Variants in AUTS2 observed in about 807,000 individuals in gnomAD.
AUTS2 encodes the protein autism susceptibility gene 2 protein.
In AUTS2, 17 loss-of-function variants were observed where a neutral mutation model predicts 112.4. That is an observed-to-expected ratio of 0.15 (90% CI 0.10 to 0.23). The LOEUF is 0.23. Ranked by LOEUF, AUTS2 falls within the 10% of genes least tolerant of loss-of-function variation. The probability of loss-of-function intolerance (pLI) is 1.00; values close to 1 mark genes in which losing one functional copy is unlikely to be tolerated. For missense variants in AUTS2, 1,510 were observed against 1,701.6 expected, an observed-to-expected ratio of 0.89 and a Z score of 1.98; for synonymous variants, 751 against 702.7, an observed-to-expected ratio of 1.07 and a Z score of -1.09.
intron 1 of AUTS2, among the ~76,000 whole-genome samples, chr7:69,796,148 A>G (rs1031082199): frequency 1.3e-5 from 2 of 152,200 alleles, no homozygotes; most frequent in African/African-American, 4.8e-5. Flanking sequence ...TCCTTTTCGC[A>G]TCTTCAGCAA....
chr7:69,967,845 C>T (rs986959806), intron 2 of AUTS2, among the ~76,000 whole-genome samples: 19 of 152,328 alleles, frequency 1.2e-4, no homozygotes, highest in Admixed American at 9.1e-4. Flanking sequence ...AAACCTGCCA[C>T]CTCCCTCCAG....
At chr7:69,748,094 T>C (rs931424191) in intron 1 of AUTS2, among the ~76,000 whole-genome samples, 5 of 152,156 alleles carry the variant, frequency 3.3e-5, no homozygotes, top group African/African-American at 4.8e-5. Context: ...ACTTGAGTTA[T>C]TGAATTTTGT....
chr7:69,897,086 G>A (rs1462806999), intron 1 of AUTS2, among the ~76,000 whole-genome samples: 1 of 152,148 alleles, frequency 6.6e-6, no homozygotes. Context: ...TGCTACATTG[G>A]TACTTGGCAT....
At chr7:70,075,881 G>A in intron 2 of AUTS2, among the ~76,000 whole-genome samples, 1 of 152,192 alleles carries the variant, frequency 6.6e-6, no homozygotes, top group East Asian at 1.9e-4. Flanking sequence ...TTCTGCAGCA[G>A]AGATTGCCAA....
At chr7:70,163,166 G>C (rs1808185491) in intron 4 of AUTS2, among the ~76,000 whole-genome samples, 1 of 151,898 alleles carries the variant, frequency 6.6e-6, no homozygotes, top group South Asian at 2.1e-4. Context: ...GTTTAGATAA[G>C]TTAACTGAGG....
chr7:70,748,676 G>T (rs1788616894), intron 6 of AUTS2, among the ~76,000 whole-genome samples: 1 of 152,164 alleles, frequency 6.6e-6, no homozygotes, highest in South Asian at 2.1e-4. Flanking sequence ...GTGTTCTTCT[G>T]AGGGTGCTAC....
intron 2 of AUTS2, among the ~76,000 whole-genome samples, chr7:69,994,265 T>G (rs1798855151): frequency 6.6e-6 from 1 of 152,188 alleles, no homozygotes; most frequent in South Asian, 2.1e-4. Context: ...TTTTCTAAGT[T>G]AAAGGTTCAC....
chr7:69,808,474 C>G (rs1186410334), intron 1 of AUTS2, among the ~76,000 whole-genome samples: 2 of 152,002 alleles, frequency 1.3e-5, no homozygotes, highest in Non-Finnish European at 2.9e-5. Flanking sequence ...GTTTAGCATT[C>G]TAAATATTTG....
Position 69,958,003 on chromosome 7 carries a change from A to G in AUTS2, c.522+58505A>G, listed in dbSNP as rs1298750110. 4.6e-5 allele frequency among the ~76,000 whole-genome samples: 7 copies of G among 152,170 alleles called. 1 individual carries two copies. The highest frequency in any genetic ancestry group is 4.6e-4 in the Admixed American group (7 of 15,270). On this transcript the variant is annotated intron_variant, in intron 2 of 18. Coordinates refer to ENST00000342771, the MANE Select transcript of AUTS2 (RefSeq NM_015570.4). ...CAGCCCTGGTGGTGAGGTACTGAAAATAAATAAATAAAAGGGCGAAGGACA... is the reference window on the plus strand; with the variant it reads ...CAGCCCTGGTGGTGAGGTACTGAAAGTAAATAAATAAAAGGGCGAAGGACA...
At chr7:70,331,373 A>G (rs756667112) in intron 4 of AUTS2, among the ~76,000 whole-genome samples, 7 of 151,988 alleles carry the variant, frequency 4.6e-5, no homozygotes, top group Non-Finnish European at 1.0e-4. Context: ...AGTTTTTATT[A>G]CTGTGGGTTC....
At chr7:70,088,045 T>G (rs1803701954) in intron 2 of AUTS2, among the ~76,000 whole-genome samples, 1 of 152,138 alleles carries the variant, frequency 6.6e-6, no homozygotes, top group African/African-American at 2.4e-5. Flanking sequence ...CTTTTTTTTT[T>G]TTTTCCAGGT....
rs542389882 is a variant in AUTS2, at chr7:70,726,688, A to T, written c.742+28068A>T. 7.9e-5 allele frequency among the ~76,000 whole-genome samples: 12 copies of T among 152,316 alleles called. No individual in the cohort carries two copies. The East Asian group carries it at 2.1e-3, about 27-fold the overall frequency. Reference sequence around the variant, plus strand: ...GAAATCCCAAGACCCTGTCCAGCTTATTGCTGTTGGAGAGCCCCAAGACCC... The same window carrying T: ...GAAATCCCAAGACCCTGTCCAGCTTTTTGCTGTTGGAGAGCCCCAAGACCC... On this transcript the variant is annotated intron_variant, in intron 6 of 18. Transcript: ENST00000342771.
chr7:69,797,821 CAT>C (rs1212755139), intron 1 of AUTS2, among the ~76,000 whole-genome samples: 2 of 152,054 alleles, frequency 1.3e-5, no homozygotes, highest in African/African-American at 4.8e-5. Flanking sequence ...AGGTTACAAA[CAT>C]AAATCATATT....
chr7:70,156,296 A>G (rs1205112153), intron 4 of AUTS2, among the ~76,000 whole-genome samples: 1 of 152,210 alleles, frequency 6.6e-6, no homozygotes, highest in Non-Finnish European at 1.5e-5. Flanking sequence ...GTGCCTATCA[A>G]ATTTCAGCCA....
chr7:69,769,942 G>A (rs210606), intron 1 of AUTS2, among the ~76,000 whole-genome samples: 58,784 of 152,056 alleles, frequency 0.39, 11,687 homozygotes, highest in African/African-American at 0.47. Context: ...GTATATATCA[G>A]GTTGCTTTCA....
At chr7:70,126,851 G>A (rs998209578) in intron 3 of AUTS2, among the ~76,000 whole-genome samples, 8 of 152,066 alleles carry the variant, frequency 5.3e-5, no homozygotes, top group African/African-American at 1.9e-4. Flanking sequence ...TTGCTGTGTC[G>A]CCCAGGCTGG....
At chr7:69,812,667 A>T (rs1392256072) in intron 1 of AUTS2, among the ~76,000 whole-genome samples, 1 of 151,738 alleles carries the variant, frequency 6.6e-6, no homozygotes, top group African/African-American at 2.4e-5. Context: ...TTAAGTCTCT[A>T]TCTGGTTTTT....
At chr7:69,717,150 C>T (rs567579104) in intron 1 of AUTS2, among the ~76,000 whole-genome samples, 47 of 152,218 alleles carry the variant, frequency 3.1e-4, no homozygotes, top group Admixed American at 6.5e-4. Flanking sequence ...AAGTTTTTTT[C>T]TCCCCTTTGA....
At chr7:70,765,657 T>G (rs1789891552) in intron 8 of AUTS2, among the ~76,000 whole-genome samples, 1 of 152,208 alleles carries the variant, frequency 6.6e-6, no homozygotes, top group Non-Finnish European at 1.5e-5. Context: ...TGTGAACAGC[T>G]GACATTTATT....
Sources: allele counts gnomAD v4.1 joint callset (sites outside exome capture counted in the v4.1 genomes callset), GRCh38; gene constraint gnomAD v4.1.1; transcripts MANE v1.5; gene names NCBI Gene and HGNC (gene_info 2026-07-23, HGNC 2026-07-21).